Variants in OSBPL10 observed in about 807,000 individuals in gnomAD.
OSBPL10 encodes the protein oxysterol-binding protein-related protein 10.
OSBPL10 carries 49 observed loss-of-function variants against 81.7 expected under a neutral mutation model. The observed-to-expected ratio is 0.60, with a 90% confidence interval of 0.48 to 0.76. The LOEUF is 0.76. Among genes scored for constraint, OSBPL10 ranks in the 30% least tolerant of loss-of-function variants. The pLI, the probability that OSBPL10 is intolerant of heterozygous loss-of-function variation, is 0.00. For synonymous variants in OSBPL10, 419 were observed against 383.6 expected, an observed-to-expected ratio of 1.09 and a Z score of -1.08; for missense variants, 923 against 987.8, an observed-to-expected ratio of 0.93 and a Z score of 0.88.
chr3:32,009,711 G>T (rs926815827), intron 2 of OSBPL10, among the ~76,000 whole-genome samples: 12 of 152,182 alleles, frequency 7.9e-5, no homozygotes, highest in Non-Finnish European at 1.6e-4. Context: ...CGGATGCGAG[G>T]TAGTCCTCAC....
At chr3:31,899,323 GAGTA>G (rs1271065997) in intron 1 of OSBPL10, among the ~76,000 whole-genome samples, 2 of 151,672 alleles carry the variant, frequency 1.3e-5, no homozygotes, top group African/African-American at 4.8e-5. Context: ...AATTCCAAAA[GAGTA>G]AGAAGAAAAA....
At chr3:31,948,028 C>A (rs1410458489) in intron 1 of OSBPL10, among the ~76,000 whole-genome samples, 1 of 152,172 alleles carries the variant, frequency 6.6e-6, no homozygotes, top group East Asian at 1.9e-4. Context: ...AAGGTCACAC[C>A]AGAGTGGAGG....
intron 8 of OSBPL10, among the ~76,000 whole-genome samples, chr3:31,677,198 T>C (rs1343940706): frequency 6.6e-6 from 1 of 152,202 alleles, no homozygotes; most frequent in African/African-American, 2.4e-5. Context: ...ACCTCCTGCC[T>C]TCCCCCAATC....
At chr3:31,786,507 C>G (rs535496143) in intron 4 of OSBPL10, among the ~76,000 whole-genome samples, 9 of 152,122 alleles carry the variant, frequency 5.9e-5, no homozygotes, top group Non-Finnish European at 1.3e-4. Flanking sequence ...TGGTGAGGGC[C>G]CATTTCTCAT....
intron 3 of OSBPL10, among the ~76,000 whole-genome samples, chr3:31,865,193 TTAAG>T (rs547472940): frequency 3.8e-4 from 58 of 152,292 alleles, no homozygotes; most frequent in African/African-American, 7.5e-4. Context: ...TTAGAAACCA[TTAAG>T]TAATAGTGGA....
At chr3:31,711,629 G>A (rs774730855) in intron 6 of OSBPL10, among the ~76,000 whole-genome samples, 4 of 152,172 alleles carry the variant, frequency 2.6e-5, no homozygotes, top group Non-Finnish European at 4.4e-5. Context: ...GCCAGGTGTT[G>A]TGATTCCACT....
chr3:31,858,543 A>AT (rs1263841976), intron 3 of OSBPL10, among the ~76,000 whole-genome samples: 12 of 152,256 alleles, frequency 7.9e-5, no homozygotes, highest in African/African-American at 2.9e-4. Flanking sequence ...ACATGATCTC[A>AT]TTAATCCTCA....
chr3:31,965,125 T>C (rs1387297378), intron 1 of OSBPL10, among the ~76,000 whole-genome samples: 1 of 151,834 alleles, frequency 6.6e-6, no homozygotes, highest in African/African-American at 2.4e-5. Context: ...CGGGGCGCAC[T>C]TTGGGAGGCC....
At chr3:31,734,105 A>C (rs1477813822) in intron 5 of OSBPL10, among the ~76,000 whole-genome samples, 1 of 152,142 alleles carries the variant, frequency 6.6e-6, no homozygotes, top group Non-Finnish European at 1.5e-5. Flanking sequence ...TAAGTGACAC[A>C]ATGGCCATGG....
intron 2 of OSBPL10, among the ~76,000 whole-genome samples, chr3:32,020,414 T>C (rs1699349998): frequency 6.6e-6 from 1 of 152,206 alleles, no homozygotes; most frequent in Non-Finnish European, 1.5e-5. Context: ...GCACTTAGCT[T>C]TTTTCATTTA....
At chr3:31,746,820 T>C (rs1280497143) in intron 5 of OSBPL10, among the ~76,000 whole-genome samples, 34 of 121,696 alleles carry the variant, frequency 2.8e-4, no homozygotes, top group African/African-American at 1.0e-3. Flanking sequence ...CCGGGGACTG[T>C]TGTGGGGTGG....
intron 3 of OSBPL10, among the ~76,000 whole-genome samples, chr3:31,850,113 C>T (rs1252110975): frequency 2.0e-5 from 3 of 151,936 alleles, no homozygotes; most frequent in African/African-American, 4.8e-5. Flanking sequence ...TGCAGTGAGC[C>T]GAGGTCACGC....
chr3:32,043,754 T>C (rs1237506574), intron 2 of OSBPL10, among the ~76,000 whole-genome samples: 1 of 152,224 alleles, frequency 6.6e-6, no homozygotes, highest in Non-Finnish European at 1.5e-5. Flanking sequence ...GAAATCATGT[T>C]CTTTGCAGCA....
At chr3:31,969,892 T>G (rs1575069147) in intron 1 of OSBPL10, among the ~76,000 whole-genome samples, 2 of 147,442 alleles carry the variant, frequency 1.4e-5, no homozygotes, top group Non-Finnish European at 1.5e-5. Context: ...ACACGAGGCC[T>G]CTTCTTTGGA....
At chr3:31,736,773 G>A (rs911652961) in intron 5 of OSBPL10, among the ~76,000 whole-genome samples, 1 of 152,156 alleles carries the variant, frequency 6.6e-6, no homozygotes, top group Non-Finnish European at 1.5e-5. Context: ...TGTTGTACAC[G>A]CCTGTAGTCC....
chr3:31,949,661 C>G (rs1242942954), intron 1 of OSBPL10, among the ~76,000 whole-genome samples: 1 of 75,566 alleles, frequency 1.3e-5, no homozygotes, highest in Non-Finnish European at 2.2e-5. Flanking sequence ...GAGCAAGACT[C>G]TGTCTCAAAA....
intron 4 of OSBPL10, among the ~76,000 whole-genome samples, chr3:31,803,786 C>G (rs542182230): frequency 6.6e-6 from 1 of 152,262 alleles, no homozygotes; most frequent in Non-Finnish European, 1.5e-5. Flanking sequence ...TTCAAAATGT[C>G]CCTAGTATTT....
At chr3:32,068,311 A>T (rs1190399363) in intron 1 of OSBPL10, among the ~76,000 whole-genome samples, 1 of 152,144 alleles carries the variant, frequency 6.6e-6, no homozygotes, top group African/African-American at 2.4e-5. Context: ...CACCGCAGGG[A>T]TGCCTGCCTT....
intron 1 of OSBPL10, among the ~76,000 whole-genome samples, chr3:31,922,781 T>C (rs1032493414): frequency 2.0e-5 from 3 of 152,128 alleles, no homozygotes; most frequent in Non-Finnish European, 2.9e-5. Flanking sequence ...GCTGGCTTCT[T>C]ATGTGGCTCC....
Sources: allele counts gnomAD v4.1 joint callset (sites outside exome capture counted in the v4.1 genomes callset), GRCh38; gene constraint gnomAD v4.1.1; transcripts MANE v1.5; gene names NCBI Gene and HGNC (gene_info 2026-07-23, HGNC 2026-07-21).